EPB41L2: variants seen among roughly 807,000 people sequenced by gnomAD.
EPB41L2 encodes the protein erythrocyte membrane protein band 4.1 like 2, also known as band 4.1-like protein 2.
EPB41L2 carries 43 observed loss-of-function variants against 113.0 expected under a neutral mutation model. That is an observed-to-expected ratio of 0.38 (90% CI 0.30 to 0.49). The LOEUF is 0.49. EPB41L2 is among the 20% of genes least tolerant of loss of function. EPB41L2 has a pLI of 0.95. For missense variants in EPB41L2, 1,147 were observed against 1,223.4 expected (o/e 0.94, Z 0.93); for synonymous variants, 442 against 436.7 (o/e 1.01, Z -0.15).
At chr6:131,013,047 C>T (rs1245021499) in intron 1 of EPB41L2, among the ~76,000 whole-genome samples, 3 of 152,138 alleles carry the variant, frequency 2.0e-5, no homozygotes, top group Non-Finnish European at 4.4e-5. Flanking sequence ...AAGCTATTTC[C>T]CCTATCCAGA....
At chr6:130,955,848 C>T in intron 2 of EPB41L2, 146 bp downstream of exon 2, 4 of 1,373,558 alleles carry the variant, frequency 2.9e-6, no homozygotes, top group Non-Finnish European at 3.9e-6. Context: ...CTATGGTAGA[C>T]CAATCTAAGA....
At chr6:130,960,952 G>C (rs1459131771) in intron 1 of EPB41L2, among the ~76,000 whole-genome samples, 4 of 152,064 alleles carry the variant, frequency 2.6e-5, no homozygotes, top group African/African-American at 7.2e-5. Context: ...CACATAATAG[G>C]TATCTATTAA....
chr6:130,894,916 G>T, intron 9 of EPB41L2, 51 bp downstream of exon 9: 1 of 1,491,564 alleles, frequency 6.7e-7, no homozygotes, highest in Non-Finnish European at 9.0e-7. Flanking sequence ...TTAAATTCAT[G>T]GTCGTAAACA....
intron 7 of EPB41L2, among the ~76,000 whole-genome samples, chr6:130,899,938 C>G (rs1439614217): frequency 6.6e-6 from 1 of 152,148 alleles, no homozygotes; most frequent in Non-Finnish European, 1.5e-5. Context: ...CATTCTTACT[C>G]CTTCATTTTA....
intron 1 of EPB41L2, among the ~76,000 whole-genome samples, chr6:131,046,159 ATCC>A (rs1207231566): frequency 6.7e-6 from 1 of 150,260 alleles, no homozygotes; most frequent in African/African-American, 2.5e-5. Flanking sequence ...GACTGAAGCA[ATCC>A]TCCTGCCTCA....
At chr6:131,049,385 T>C (rs1796107009) in intron 1 of EPB41L2, among the ~76,000 whole-genome samples, 1 of 152,248 alleles carries the variant, frequency 6.6e-6, no homozygotes, top group Non-Finnish European at 1.5e-5. Flanking sequence ...CTTGACATTC[T>C]GACCTTTCCC....
At chr6:130,914,582 G>T (rs74940526) in intron 4 of EPB41L2, among the ~76,000 whole-genome samples, 1 of 152,064 alleles carries the variant, frequency 6.6e-6, no homozygotes. Context: ...CAACTGCCCA[G>T]AACATCCTAA....
At chr6:131,062,762 C>A (rs1798942112) in intron 1 of EPB41L2, among the ~76,000 whole-genome samples, 1 of 151,938 alleles carries the variant, frequency 6.6e-6, no homozygotes, top group Admixed American at 6.5e-5. Flanking sequence ...CCTGAGCCCA[C>A]GGCACCCCGG....
In EPB41L2 at chr6:131,059,020, A is replaced by T. The variant is rs545961324; in HGVS notation, c.-15+4135T>A. On this transcript the variant is annotated intron_variant, in intron 1 of 19. Transcript: ENST00000337057. ...GACAGAGTGAAACTGTGTCTCAAAAACAAAATAAAAACAACAACAGCAACA... is the reference window on the plus strand; with the variant it reads ...GACAGAGTGAAACTGTGTCTCAAAATCAAAATAAAAACAACAACAGCAACA... Among the ~76,000 whole-genome samples, 14 of 152,338 alleles carry T rather than the reference A, an allele frequency of 9.2e-5. No homozygotes were observed. The South Asian group carries it at 2.7e-3, about 29-fold the overall frequency.
intron 1 of EPB41L2, among the ~76,000 whole-genome samples, chr6:131,020,925 A>AACTACAGCACAT (rs1789313089): frequency 6.6e-6 from 1 of 152,066 alleles, no homozygotes. Flanking sequence ...AAGGAGCTGG[A>AACTACAGCACAT]ACTACAGGCA....
intron 4 of EPB41L2, among the ~76,000 whole-genome samples, chr6:130,916,142 T>C (rs1800983452): frequency 6.6e-6 from 1 of 152,166 alleles, no homozygotes; most frequent in Non-Finnish European, 1.5e-5. Flanking sequence ...GCCAAAGGAA[T>C]TCAAGGCACA....
At position 130,869,591 on chromosome 6, in the gene EPB41L2, A is replaced by C; in HGVS notation, c.2579T>G (p.Val860Gly). The change falls in exon 15 of 20, where the codon GTT (valine) becomes GGT (glycine). Residue 860 changes from valine (V) to glycine (G), a missense_variant. Coordinates refer to ENST00000337057, the MANE Select transcript of EPB41L2 (RefSeq NM_001431.4). ...TGAACAACAAATAATTTGTGGCAAAACATCAATGTCAACATGGGACACCTC... is the reference window on the plus strand; with the variant it reads ...TGAACAACAAATAATTTGTGGCAAACCATCAATGTCAACATGGGACACCTC... ...NGEVSHVDID[V>G]LPQIICCSEP... The C allele has an allele frequency of 6.2e-7, 1 of 1,614,100 alleles. No homozygotes were observed. The highest frequency in any genetic ancestry group is 8.5e-7 in the Non-Finnish European group (1 of 1,180,006).
chr6:130,852,123 C>T (rs1582651810), intron 19 of EPB41L2, among the ~76,000 whole-genome samples: 1 of 152,118 alleles, frequency 6.6e-6, no homozygotes, highest in Non-Finnish European at 1.5e-5. Flanking sequence ...GGTTCATGGC[C>T]GACCTTGTAA....
chr6:131,022,720 G>GTCA (rs939179225), intron 1 of EPB41L2, among the ~76,000 whole-genome samples: 1 of 152,112 alleles, frequency 6.6e-6, no homozygotes, highest in Non-Finnish European at 1.5e-5. Context: ...TAAAAACAGT[G>GTCA]TCATCATCAT....
At chr6:131,000,354 G>A (rs943424817) in intron 1 of EPB41L2, among the ~76,000 whole-genome samples, 1 of 152,052 alleles carries the variant, frequency 6.6e-6, no homozygotes, top group Admixed American at 6.6e-5. Flanking sequence ...CAAGAAATCC[G>A]CTCTTATTGT....
At chr6:131,029,147 T>C (rs994543703) in intron 1 of EPB41L2, among the ~76,000 whole-genome samples, 7 of 152,102 alleles carry the variant, frequency 4.6e-5, no homozygotes, top group Non-Finnish European at 8.8e-5. Context: ...GGGAAAAAAA[T>C]CTTGAATATT....
rs1794817196 is a variant in EPB41L2 at position 130,896,841 on chromosome 6, T to C, written c.1237-1722A>G. On this transcript the variant is annotated intron_variant, in intron 8 of 19. Transcript: ENST00000337057. The stretch of plus-strand genomic sequence containing the variant: ...ATGGAGCAATGCATGGGGCAATGCA[T>C]GGAGATGGCTGGCTTTCAAATGAGT... Among the ~76,000 whole-genome samples, 3 of 152,064 alleles carry C rather than the reference T, an allele frequency of 2.0e-5. No individual in the cohort carries two copies. In the South Asian group the frequency reaches 6.2e-4, roughly 32 times the overall value.
In EPB41L2 at chr6:131,003,385, A is replaced by C. The variant is rs1784779522; in HGVS notation, c.-14-46886T>G. 1.3e-5 allele frequency among the ~76,000 whole-genome samples: 2 copies of C among 152,222 alleles called. 1 individual carries two copies. The highest frequency in any genetic ancestry group is 4.1e-4 in the South Asian group (2 of 4,832). Reference sequence around the variant, plus strand: ...CTCTATTTCCAATTGTAGTCAATAAACATATAAAAAGATCCAATCCTTTGA... The same window carrying C: ...CTCTATTTCCAATTGTAGTCAATAACCATATAAAAAGATCCAATCCTTTGA... On this transcript the variant is annotated intron_variant, in intron 1 of 19. Transcript: ENST00000337057.
At chr6:131,037,463 A>G (rs1171255352) in intron 1 of EPB41L2, among the ~76,000 whole-genome samples, 1 of 152,200 alleles carries the variant, frequency 6.6e-6, no homozygotes, top group East Asian at 1.9e-4. Context: ...AAGTGGCTCT[A>G]AAGCATATAA....
Sources: gnomAD v4.1 joint callset for allele counts (sites outside exome capture counted in the v4.1 genomes callset) on GRCh38, gnomAD v4.1.1 for gene constraint, MANE v1.5 for transcripts, NCBI Gene and HGNC (gene_info 2026-07-23, HGNC 2026-07-21) for gene names.